Variants in CTNNA3 observed in about 807,000 individuals in gnomAD.
CTNNA3 encodes the protein catenin alpha 3.
A neutral mutation model predicts 95.7 loss-of-function variants in CTNNA3; 76 were observed. The observed-to-expected ratio is 0.79, with a 90% CI of 0.66 to 0.96. CTNNA3 has a LOEUF of 0.96. Among genes scored for constraint, CTNNA3 ranks in the 40% least tolerant of loss-of-function variants. The pLI is 0.00. For missense variants in CTNNA3, 1,191 were observed against 1,089.8 expected (o/e 1.09, Z -1.31); for synonymous variants, 431 against 374.4 (o/e 1.15, Z -1.74).
At chr10:67,051,469 T>G (rs1855093193) in intron 7 of CTNNA3, among the ~76,000 whole-genome samples, 1 of 151,476 alleles carries the variant, frequency 6.6e-6, no homozygotes, top group African/African-American at 2.4e-5. Flanking sequence ...TTTTCTTTTT[T>G]TTTTTTTGGT....
chr10:66,417,100 A>C (rs2093153060), intron 11 of CTNNA3, among the ~76,000 whole-genome samples: 1 of 152,026 alleles, frequency 6.6e-6, no homozygotes, highest in Admixed American at 6.6e-5. Context: ...GACTGAATGA[A>C]TGGATTTTAA....
In CTNNA3 at chr10:66,202,154, A is replaced by G. The variant is rs192017012; in HGVS notation, c.1884+78316T>C. On this transcript the variant is annotated intron_variant, in intron 13 of 17. Transcript: ENST00000433211. The stretch of plus-strand genomic sequence containing the variant: ...AAAAGTTTAAACAAATCATTGTTTA[A>G]CATTTATGTACTCTCTTTTATTTCA... Among the ~76,000 whole-genome samples, 5 of 152,328 alleles carry G rather than the reference A, an allele frequency of 3.3e-5. No homozygotes were observed. The East Asian group carries it at 9.6e-4, about 29-fold the overall frequency.
chr10:67,599,428 C>T (rs1294784714), intron 3 of CTNNA3, among the ~76,000 whole-genome samples: 1 of 151,948 alleles, frequency 6.6e-6, no homozygotes, highest in African/African-American at 2.4e-5. Context: ...AGAAACAAAA[C>T]CCAGTTGTAG....
intron 13 of CTNNA3, among the ~76,000 whole-genome samples, chr10:66,107,828 G>T (rs150206866): frequency 6.6e-6 from 1 of 151,858 alleles, no homozygotes; most frequent in Non-Finnish European, 1.5e-5. Flanking sequence ...AACACAGGAA[G>T]AAAATAAAAA....
chr10:66,518,542 T>C (rs1057413063), intron 11 of CTNNA3, among the ~76,000 whole-genome samples: 4 of 152,056 alleles, frequency 2.6e-5, no homozygotes, highest in African/African-American at 9.7e-5. Context: ...AGATAGCAAA[T>C]AGACAAAAAT....
intron 5 of CTNNA3, among the ~76,000 whole-genome samples, chr10:67,398,852 T>G (rs1844812590): frequency 2.0e-5 from 3 of 152,156 alleles, no homozygotes; most frequent in Admixed American, 2.0e-4. Flanking sequence ...TCCTCCTTCC[T>G]GTCTCCACGT....
intron 1 of CTNNA3, among the ~76,000 whole-genome samples, chr10:67,695,502 C>T (rs1294611514): frequency 1.3e-5 from 2 of 152,144 alleles, no homozygotes; most frequent in Non-Finnish European, 2.9e-5. Flanking sequence ...TCTTAATATT[C>T]CTTCCAATTA....
intron 10 of CTNNA3, among the ~76,000 whole-genome samples, chr10:66,579,296 G>A (rs1369675564): frequency 6.6e-6 from 1 of 151,842 alleles, no homozygotes; most frequent in South Asian, 2.1e-4. Context: ...TTATAGCTCA[G>A]TTGCATTACA....
chr10:66,432,738 G>A (rs1005524467), intron 11 of CTNNA3, among the ~76,000 whole-genome samples: 2 of 151,832 alleles, frequency 1.3e-5, no homozygotes, highest in African/African-American at 4.8e-5. Flanking sequence ...TTGTGACATG[G>A]TTGTTTGATG....
intron 11 of CTNNA3, among the ~76,000 whole-genome samples, chr10:66,504,267 C>A (rs1202574227): frequency 6.6e-6 from 1 of 152,114 alleles, no homozygotes; most frequent in Non-Finnish European, 1.5e-5. Context: ...ATGAGTTAGA[C>A]TTTTTAGGAC....
At chr10:66,529,997 A>AT (rs993305464) in intron 10 of CTNNA3, among the ~76,000 whole-genome samples, 5 of 152,200 alleles carry the variant, frequency 3.3e-5, no homozygotes, top group African/African-American at 1.2e-4. Context: ...GGTTCTTCAG[A>AT]TTTTAACATT....
chr10:66,051,418 T>C (rs1349067058), intron 15 of CTNNA3, among the ~76,000 whole-genome samples: 1 of 152,248 alleles, frequency 6.6e-6, no homozygotes, highest in African/African-American at 2.4e-5. Flanking sequence ...CTTTTGTTTT[T>C]CCTTCAACCT....
intron 7 of CTNNA3, among the ~76,000 whole-genome samples, chr10:66,779,510 C>T (rs1589246273): frequency 6.6e-6 from 1 of 151,166 alleles, no homozygotes; most frequent in East Asian, 1.9e-4. Context: ...GTGCCTACCA[C>T]CATGCCTGGC....
intron 1 of CTNNA3, among the ~76,000 whole-genome samples, chr10:67,710,045 GAGA>G (rs1841098928): frequency 6.6e-6 from 1 of 152,146 alleles, no homozygotes; most frequent in Admixed American, 6.5e-5. Flanking sequence ...AAAGAAACTT[GAGA>G]AGAAGCATTG....
At chr10:66,107,840 GAAAT>G (rs895548765) in intron 13 of CTNNA3, among the ~76,000 whole-genome samples, 4 of 152,074 alleles carry the variant, frequency 2.6e-5, no homozygotes, top group African/African-American at 9.6e-5. Flanking sequence ...AAATAAAAAA[GAAAT>G]AAAAAGTATT....
intron 5 of CTNNA3, among the ~76,000 whole-genome samples, chr10:67,463,694 A>G (rs1847468166): frequency 6.6e-6 from 1 of 152,234 alleles, no homozygotes; most frequent in South Asian, 2.1e-4. Flanking sequence ...TGAATTACCT[A>G]ATAATTTCAG....
At chr10:66,845,260 A>G (rs1220947961) in intron 7 of CTNNA3, among the ~76,000 whole-genome samples, 1 of 152,212 alleles carries the variant, frequency 6.6e-6, no homozygotes, top group Non-Finnish European at 1.5e-5. Flanking sequence ...CGTGACCAAC[A>G]GGTACATGAA....
At chr10:66,576,186 G>A (rs78071275) in intron 10 of CTNNA3, among the ~76,000 whole-genome samples, 2 of 152,184 alleles carry the variant, frequency 1.3e-5, no homozygotes, top group East Asian at 3.9e-4. Flanking sequence ...CTTCAGCATG[G>A]ATAAGAATCA....
intron 1 of CTNNA3, among the ~76,000 whole-genome samples, chr10:67,701,734 C>T (rs545611917): frequency 3.9e-5 from 6 of 152,136 alleles, no homozygotes; most frequent in Non-Finnish European, 7.4e-5. Context: ...GCAAAATAAC[C>T]AGCTAACATC....
Sources: allele counts gnomAD v4.1 joint callset (sites outside exome capture counted in the v4.1 genomes callset), GRCh38; gene constraint gnomAD v4.1.1; transcripts MANE v1.5; gene names NCBI Gene and HGNC (gene_info 2026-07-23, HGNC 2026-07-21).